NFASC: variants seen among roughly 807,000 people sequenced by gnomAD.
NFASC encodes the protein neurofascin homolog.
A neutral mutation model predicts 147.5 loss-of-function variants in NFASC; 43 were observed. The ratio of observed to expected loss-of-function variants is 0.29; its 90% confidence interval spans 0.23 to 0.38. The LOEUF (loss-of-function observed/expected upper bound fraction) is 0.38, where lower values mean the gene tolerates loss of function less well. NFASC is among the 10% of genes least tolerant of loss of function. The pLI is 1.00. For missense variants in NFASC, 1,320 were observed against 1,689.0 expected, an observed-to-expected ratio of 0.78 and a Z score of 3.83; for synonymous variants, 622 against 665.5, an observed-to-expected ratio of 0.93 and a Z score of 1.01.
At position 204,844,701 on chromosome 1, in the gene NFASC, CACGAATGGTGGCTTCTCAGTCAA is replaced by C. The variant is rs1676438168; in HGVS notation, c.-200+15920_-200+15942del. On this transcript the variant is annotated intron_variant, in intron 1 of 29. Transcript: ENST00000339876. ...AAGAATTAAAGAAAGAGGAGAGAGA[CACGAATGGTGGCTTCTCAGTCAA>C]CAGGGACAGGTTTATTTTAAATAAA... Among the ~76,000 whole-genome samples, 3 of 152,090 alleles carry C rather than the reference CACGAATGGTGGCTTCTCAGTCAA, an allele frequency of 2.0e-5. No individual in the cohort carries two copies. In the South Asian group the frequency reaches 6.2e-4, roughly 31 times the overall value.
At chr1:204,870,220 G>T (rs755508897) in intron 1 of NFASC, among the ~76,000 whole-genome samples, 1 of 152,100 alleles carries the variant, frequency 6.6e-6, no homozygotes, top group African/African-American at 2.4e-5. Context: ...AGGGCCACAC[G>T]CATGGCTGTA....
At chr1:204,854,535 G>A (rs4950968) in intron 1 of NFASC, among the ~76,000 whole-genome samples, 29,637 of 152,108 alleles carry the variant, frequency 0.19, 4,526 homozygotes, top group East Asian at 0.52. Flanking sequence ...CCCTTTGGCT[G>A]CTGCCTCCTT....
chr1:204,841,741 C>T (rs550840566), intron 1 of NFASC, among the ~76,000 whole-genome samples: 2 of 152,318 alleles, frequency 1.3e-5, no homozygotes, highest in East Asian at 3.9e-4. Context: ...CCCTAACCAT[C>T]TTACTTCCAG....
chr1:204,995,336 G>C (rs977294712), intron 24 of NFASC, among the ~76,000 whole-genome samples: 4 of 149,840 alleles, frequency 2.7e-5, no homozygotes, highest in Non-Finnish European at 5.9e-5. Context: ...GTGTGTGTGT[G>C]TGTGTGTGTG....
chr1:205,008,843 G>C (rs1248445440), intron 27 of NFASC: 2 of 154,772 alleles, frequency 1.3e-5, no homozygotes, highest in Non-Finnish European at 2.9e-5. Context: ...GCCTGGAAGT[G>C]GCATGGAGTG....
At chr1:205,008,339 T>A (rs1296770471) in intron 27 of NFASC, 3 of 152,680 alleles carry the variant, frequency 2.0e-5, no homozygotes, top group Admixed American at 6.5e-5. Context: ...GTGGCCCTCA[T>A]GCTTTTCCCC....
At position 205,021,618 on chromosome 1, in the gene NFASC, G is replaced by A. The variant is rs968773206; in HGVS notation, c.*5079G>A. On this transcript the variant is annotated 3_prime_UTR_variant, in exon 30 of 30. Transcript: ENST00000339876. ...AGGTAAGGTTAGGGCTTGAACTTGGGCCTTCTGACTCCTTGTCCAGTCAGT... is the reference window on the plus strand; with the variant it reads ...AGGTAAGGTTAGGGCTTGAACTTGGACCTTCTGACTCCTTGTCCAGTCAGT... The A allele has an allele frequency of 6.5e-6, 1 of 153,408 alleles. No individual in the cohort carries two copies. The highest frequency in any genetic ancestry group is 6.5e-5 in the Admixed American group (1 of 15,270). The allele number at this position is 153,408 out of a possible 1,614,324, so 9.5% of individuals were successfully genotyped here. A position where few individuals can be genotyped will look rare whatever the true frequency, so the allele number is the denominator to read the frequency against.
chr1:204,920,447 T>C (rs12070627), intron 1 of NFASC, among the ~76,000 whole-genome samples, 185 bp from the exon 2 acceptor site: 2,211 of 140,890 alleles, frequency 0.016, 25 homozygotes, highest in Non-Finnish European at 0.02. Flanking sequence ...TTTTTTTTTT[T>C]CTTCCAGAGT....
rs1249534690 is a variant in NFASC, at chr1:204,968,978, A to G, written c.999A>G (p.Val333=). 6.8e-6 allele frequency: 11 copies of G among 1,612,962 alleles called. No homozygotes were observed. The highest frequency in any genetic ancestry group is 5.0e-5 in the Admixed American group (3 of 59,928). Reference sequence around the variant, plus strand: ...TCCGGCACACGATCTCGGTGAGAGTAAAGGGTACGTTGTGTGTATTTATCA... The same window carrying G: ...TCCGGCACACGATCTCGGTGAGAGTGAAGGGTACGTTGTGTGTATTTATCA... ...GSIRHTISVR[V]KAAPYWLDEP... Residue 333 remains valine, a synonymous_variant, in exon 10 of 30, where the codon GTA becomes GTG. Coordinates refer to ENST00000339876, the MANE Select transcript of NFASC (RefSeq NM_001005388.3). This position sits in a 1 kb window ranked among gnomAD's most constrained non-coding sequence, Gnocchi z 5.4.
rs1368381937 is a variant in NFASC, at chr1:204,975,020, A to G, written c.1558+197A>G. On this transcript the variant is annotated intron_variant, in intron 14 of 29. Transcript: ENST00000339876. The surrounding 1 kb of genome is among the most constrained non-coding windows in gnomAD (Gnocchi z 4.0). ...AATTAGGAAGGGAAACCTTCTGCTC[A>G]CACCAACTCCCCACTACCAGCCCAG... 1.3e-5 allele frequency among the ~76,000 whole-genome samples: 2 copies of G among 152,188 alleles called. No homozygotes were observed. The highest frequency in any genetic ancestry group is 2.9e-5 in the Non-Finnish European group (2 of 68,028).
In NFASC at chr1:204,954,117, A is replaced by G; in HGVS notation, c.216-71A>G. The G allele has an allele frequency of 2.9e-6, 4 of 1,397,284 alleles. No individual in the cohort carries two copies. Among genetic ancestry groups the G allele is most frequent in the Non-Finnish European group, 4.0e-6 (4 of 987,902 alleles). The allele number at this position is 1,397,284 out of a possible 1,614,324, so 86.6% of individuals were successfully genotyped here. A position where few individuals can be genotyped will look rare whatever the true frequency, so the allele number is the denominator to read the frequency against. On this transcript the variant is annotated intron_variant, in intron 5 of 29. Transcript: ENST00000339876. This position sits in a 1 kb window ranked among gnomAD's most constrained non-coding sequence, Gnocchi z 5.7. ...TTTGGTACTGAGCCAGGGACTAGGG[A>G]TCTGAGATCTGCCTGGAGCCCAGAG...
At chr1:204,848,191 GC>G (rs1438572606) in intron 1 of NFASC, among the ~76,000 whole-genome samples, 1 of 152,154 alleles carries the variant, frequency 6.6e-6, no homozygotes, top group Non-Finnish European at 1.5e-5. Context: ...AGTTGGTCAG[GC>G]CCAGTGAGTT....
At chr1:204,977,260 G>A (rs1005787427) in intron 16 of NFASC, 40 of 341,778 alleles carry the variant, frequency 1.2e-4, no homozygotes, top group East Asian at 2.0e-4. Flanking sequence ...GCAAGATGAC[G>A]TTGTGTCTTC....
chr1:205,012,387 T>G (rs2096269706), intron 28 of NFASC, among the ~76,000 whole-genome samples: 1 of 152,196 alleles, frequency 6.6e-6, no homozygotes, highest in Non-Finnish European at 1.5e-5. Flanking sequence ...AGAACTAGCC[T>G]TCTGTGATAG....
At chr1:204,901,908 G>A (rs1344512151) in intron 1 of NFASC, among the ~76,000 whole-genome samples, 1 of 152,176 alleles carries the variant, frequency 6.6e-6, no homozygotes, top group Non-Finnish European at 1.5e-5. Context: ...GCAGACGGAT[G>A]CGTGAGGGGG....
At chr1:204,896,136 T>G (rs1484399951) in intron 1 of NFASC, among the ~76,000 whole-genome samples, 1 of 152,158 alleles carries the variant, frequency 6.6e-6, no homozygotes, top group East Asian at 1.9e-4. Context: ...TGGGGTGCGG[T>G]AATCAGAAAA....
At chr1:204,921,020 C>T (rs2090366789) in intron 2 of NFASC, among the ~76,000 whole-genome samples, 1 of 152,158 alleles carries the variant, frequency 6.6e-6, no homozygotes, top group African/African-American at 2.4e-5. Context: ...GTCCCAATGT[C>T]CACCTAATTG....
chr1:204,868,537 T>C (rs1243853215), intron 1 of NFASC, among the ~76,000 whole-genome samples: 1 of 152,194 alleles, frequency 6.6e-6, no homozygotes, highest in Non-Finnish European at 1.5e-5. Flanking sequence ...CACATTCCTC[T>C]TTCTGGCTGC....
In NFASC at chr1:204,968,094, A is replaced by G; in HGVS notation, c.707-155A>G. ...TGAGGAGCCCTGGGCTTCCTAACACACCTCACTTAATGATGCCCAAGTCCT... is the reference window on the plus strand; with the variant it reads ...TGAGGAGCCCTGGGCTTCCTAACACGCCTCACTTAATGATGCCCAAGTCCT... On this transcript the variant is annotated intron_variant, in intron 8 of 29. Coordinates refer to ENST00000339876, the MANE Select transcript of NFASC (RefSeq NM_001005388.3). This position sits in a 1 kb window ranked among gnomAD's most constrained non-coding sequence, Gnocchi z 5.4. 1.6e-6 allele frequency: 1 copy of G among 614,752 alleles called. No homozygotes were observed. The highest frequency in any genetic ancestry group is 3.0e-6 in the Non-Finnish European group (1 of 338,880). 38.1% of individuals were successfully genotyped at this position (614,752 alleles called of 1,614,324 possible). A position where few individuals can be genotyped will look rare whatever the true frequency, so the allele number is the denominator to read the frequency against.
Sources: allele counts gnomAD v4.1 joint callset (sites outside exome capture counted in the v4.1 genomes callset), GRCh38; gene constraint gnomAD v4.1.1; non-coding constraint Gnocchi (gnomAD v3.1); transcripts MANE v1.5; gene names NCBI Gene and HGNC (gene_info 2026-07-23, HGNC 2026-07-21).